The following TBC1D5 variants were observed in gnomAD, a reference collection of about 807,000 sequenced individuals.
TBC1D5 encodes TBC1 domain family member 5.
A neutral mutation model predicts 100.3 loss-of-function variants in TBC1D5; 75 were observed. That is an observed-to-expected ratio of 0.75 (90% confidence interval 0.62 to 0.91). The LOEUF is 0.91. TBC1D5 is among the 40% of genes least tolerant of loss of function. The pLI is 0.00. For missense variants in TBC1D5, 910 were observed against 942.4 expected (o/e 0.97, Z 0.45); for synonymous variants, 323 against 325.6 (o/e 0.99, Z 0.09).
chr3:17,211,246 C>A (rs1424528271), intron 18 of TBC1D5, among the ~76,000 whole-genome samples: 1 of 152,164 alleles, frequency 6.6e-6, no homozygotes, highest in African/African-American at 2.4e-5. Context: ...TTGGAGCACT[C>A]CTAGGGTGAG....
intron 13 of TBC1D5, among the ~76,000 whole-genome samples, chr3:17,315,852 G>A (rs2084633560): frequency 6.6e-6 from 1 of 152,176 alleles, no homozygotes; most frequent in South Asian, 2.1e-4. Flanking sequence ...TGTGGGGGAC[G>A]GGCGGGGGGA....
intron 1 of TBC1D5, among the ~76,000 whole-genome samples, chr3:17,725,404 T>C (rs1258247770): frequency 6.6e-6 from 1 of 151,752 alleles, no homozygotes; most frequent in Admixed American, 6.6e-5. Context: ...TTTTTTTTTT[T>C]AGGTCCAAGG....
intron 2 of TBC1D5, among the ~76,000 whole-genome samples, chr3:17,591,121 A>G (rs1489059109): frequency 6.6e-6 from 1 of 151,000 alleles, no homozygotes; most frequent in East Asian, 2.0e-4. Flanking sequence ...CTGTAGTCCC[A>G]GCTACTCAGG....
chr3:17,735,237 T>C (rs556145099), intron 1 of TBC1D5, among the ~76,000 whole-genome samples: 5 of 152,240 alleles, frequency 3.3e-5, no homozygotes, highest in Non-Finnish European at 5.9e-5. Context: ...CTATTTATCA[T>C]GAAGAATGAA....
chr3:17,223,235 T>G (rs1054772713), intron 17 of TBC1D5, among the ~76,000 whole-genome samples: 5 of 152,138 alleles, frequency 3.3e-5, no homozygotes, highest in African/African-American at 1.2e-4. Context: ...AAAAATCTTT[T>G]CTTTGATTCT....
chr3:17,187,338 T>C (rs574140261), intron 18 of TBC1D5, among the ~76,000 whole-genome samples: 1 of 152,304 alleles, frequency 6.6e-6, no homozygotes, highest in Admixed American at 6.5e-5. Flanking sequence ...CATTAGAAGC[T>C]AGCTACCATG....
intron 1 of TBC1D5, among the ~76,000 whole-genome samples, chr3:17,728,383 A>C (rs375878848): frequency 3.3e-4 from 51 of 152,354 alleles, no homozygotes; most frequent in African/African-American, 8.7e-4. Context: ...AAAGAGAATC[A>C]ACTGAAAAAC....
At chr3:17,187,945 G>T (rs892212520) in intron 18 of TBC1D5, among the ~76,000 whole-genome samples, 1 of 152,196 alleles carries the variant, frequency 6.6e-6, no homozygotes, top group African/African-American at 2.4e-5. Context: ...TACAAAAGCC[G>T]TTGGGAGCTT....
At chr3:17,528,234 G>A (rs578136195) in intron 2 of TBC1D5, among the ~76,000 whole-genome samples, 1 of 152,266 alleles carries the variant, frequency 6.6e-6, no homozygotes, top group East Asian at 1.9e-4. Context: ...CCCCAGTGCA[G>A]CAGTATTAAG....
intron 2 of TBC1D5, among the ~76,000 whole-genome samples, chr3:17,620,506 G>A (rs2062571791): frequency 6.6e-6 from 1 of 152,146 alleles, no homozygotes; most frequent in Non-Finnish European, 1.5e-5. Context: ...CTTATATGAG[G>A]TAATTTCCAA....
chr3:17,692,597 T>C (rs1021239067), intron 1 of TBC1D5, among the ~76,000 whole-genome samples: 10 of 152,222 alleles, frequency 6.6e-5, no homozygotes, highest in African/African-American at 2.4e-4. Flanking sequence ...GTTTTTTAAA[T>C]TGCCAATCCA....
chr3:17,730,151 T>C lies in TBC1D5; in HGVS notation c.-101+9192A>G, dbSNP rs185415299. Among the ~76,000 whole-genome samples, 526 of 152,346 alleles carry C rather than the reference T, an allele frequency of 3.5e-3. 1 individual carries two copies. The highest frequency in any genetic ancestry group is 4.4e-3 in the Non-Finnish European group (297 of 68,032). On this transcript the variant is annotated intron_variant, in intron 1 of 21. Transcript: ENST00000253692. ...TATACTTAATGTTGTACTTTGATTC[T>C]TAAGAAGACGAAAGTATAGACAGGA... is the stretch of plus-strand genomic sequence containing the variant.
At chr3:17,516,197 G>A (rs908332276) in intron 2 of TBC1D5, among the ~76,000 whole-genome samples, 2 of 152,138 alleles carry the variant, frequency 1.3e-5, no homozygotes, top group Admixed American at 1.3e-4. Context: ...ACCAGCACCA[G>A]AAGTAATTTC....
At chr3:17,555,516 C>T (rs1055075330) in intron 2 of TBC1D5, among the ~76,000 whole-genome samples, 1 of 152,084 alleles carries the variant, frequency 6.6e-6, no homozygotes, top group Non-Finnish European at 1.5e-5. Context: ...CAATAGATGG[C>T]AACTGTTTCT....
chr3:17,190,764 T>C (rs914365801), intron 18 of TBC1D5, among the ~76,000 whole-genome samples: 1 of 152,222 alleles, frequency 6.6e-6, no homozygotes, highest in African/African-American at 2.4e-5. Flanking sequence ...GGTGGAGTTC[T>C]GCTTAGCTTC....
At chr3:17,547,158 T>C (rs1037506678) in intron 2 of TBC1D5, 4 of 152,208 alleles carry the variant, frequency 2.6e-5, no homozygotes, top group African/African-American at 9.6e-5. Flanking sequence ...TTGTAGGCTA[T>C]TGTAATACAA....
At chr3:17,291,330 T>A (rs2081716619) in intron 15 of TBC1D5, among the ~76,000 whole-genome samples, 1 of 152,240 alleles carries the variant, frequency 6.6e-6, no homozygotes, top group Non-Finnish European at 1.5e-5. Context: ...AAAGAAAATT[T>A]TGGTGAATTG....
chr3:17,464,342 A>C (rs1048782599), intron 3 of TBC1D5, among the ~76,000 whole-genome samples: 1 of 152,170 alleles, frequency 6.6e-6, no homozygotes, highest in Admixed American at 6.5e-5. Flanking sequence ...CCACACGCTT[A>C]AAGCTCAAAA....
intron 1 of TBC1D5, among the ~76,000 whole-genome samples, chr3:17,675,298 A>G (rs1437730541): frequency 6.6e-6 from 1 of 152,082 alleles, no homozygotes; most frequent in Non-Finnish European, 1.5e-5. Context: ...CTTTATACAC[A>G]TCATGCCTAA....
Sources: allele counts gnomAD v4.1 joint callset (sites outside exome capture counted in the v4.1 genomes callset), GRCh38; gene constraint gnomAD v4.1.1; transcripts MANE v1.5; gene names NCBI Gene and HGNC (gene_info 2026-07-23, HGNC 2026-07-21).